Variants in ROBO1 observed in about 807,000 individuals in gnomAD.
ROBO1 encodes roundabout homolog 1.
A neutral mutation model predicts 195.9 loss-of-function variants in ROBO1; 149 were observed. The observed-to-expected ratio is 0.76, with a 90% CI of 0.67 to 0.87. The LOEUF (loss-of-function observed/expected upper bound fraction) is 0.87. Ranked by LOEUF, ROBO1 falls within the 40% of genes least tolerant of loss-of-function variation. The pLI, the probability that ROBO1 is intolerant of heterozygous loss-of-function variation, is 0.00. For synonymous variants in ROBO1, 816 were observed against 733.2 expected, an observed-to-expected ratio of 1.11 and a Z score of -1.82; for missense variants, 1,933 against 2,068.3, an observed-to-expected ratio of 0.93 and a Z score of 1.27.
intron 2 of ROBO1, among the ~76,000 whole-genome samples, chr3:79,151,579 G>T (rs1017494173): frequency 6.6e-6 from 1 of 151,430 alleles, no homozygotes; most frequent in Non-Finnish European, 1.5e-5. Flanking sequence ...TTTCTATTTT[G>T]CTTTAAAATA....
intron 2 of ROBO1, among the ~76,000 whole-genome samples, chr3:79,304,023 C>T (rs1233808890): frequency 6.6e-6 from 1 of 152,154 alleles, no homozygotes; most frequent in Non-Finnish European, 1.5e-5. Context: ...TAATAGCCTG[C>T]AGTTTTCATT....
chr3:78,715,760 T>A (rs2081887483), intron 7 of ROBO1, among the ~76,000 whole-genome samples: 1 of 152,148 alleles, frequency 6.6e-6, no homozygotes, highest in Admixed American at 6.5e-5. Flanking sequence ...GGTCTCGAAC[T>A]CCTGACCTCA....
intron 2 of ROBO1, among the ~76,000 whole-genome samples, chr3:79,386,253 G>A (rs907420878): frequency 1.3e-5 from 2 of 152,096 alleles, no homozygotes; most frequent in Admixed American, 1.3e-4. Context: ...ACTCTAGGGA[G>A]TTTTATTTGC....
At chr3:79,094,485 T>G (rs2079531446) in intron 3 of ROBO1, among the ~76,000 whole-genome samples, 1 of 152,154 alleles carries the variant, frequency 6.6e-6, no homozygotes, top group Non-Finnish European at 1.5e-5. Context: ...TCTTTTTCAC[T>G]GCACATGGCA....
intron 1 of ROBO1, among the ~76,000 whole-genome samples, chr3:79,726,198 T>C (rs1056046653): frequency 3.9e-5 from 6 of 152,224 alleles, no homozygotes; most frequent in African/African-American, 1.4e-4. Flanking sequence ...AGACAAAGAA[T>C]GCCTTAGGGC....
At chr3:78,878,047 T>G (rs1159413020) in intron 4 of ROBO1, among the ~76,000 whole-genome samples, 1 of 152,146 alleles carries the variant, frequency 6.6e-6, no homozygotes, top group Non-Finnish European at 1.5e-5. Flanking sequence ...TTATCAATTT[T>G]CACTAAGGAT....
At chr3:78,885,392 T>A (rs1284953879) in intron 4 of ROBO1, among the ~76,000 whole-genome samples, 2 of 129,936 alleles carry the variant, frequency 1.5e-5, no homozygotes, top group Admixed American at 1.9e-4. Flanking sequence ...AACCTGCACT[T>A]GTAACCCTGA....
At chr3:79,316,126 C>T (rs1348172416) in intron 2 of ROBO1, among the ~76,000 whole-genome samples, 5 of 152,126 alleles carry the variant, frequency 3.3e-5, no homozygotes, top group Non-Finnish European at 7.4e-5. Flanking sequence ...AAGATTATGA[C>T]TGAGACAAGT....
intron 3 of ROBO1, among the ~76,000 whole-genome samples, chr3:79,123,909 C>T (rs1281843645): frequency 6.6e-6 from 1 of 152,070 alleles, no homozygotes; most frequent in African/African-American, 2.4e-5. Flanking sequence ...TCTCTTAATT[C>T]AAGACTCCAA....
intron 2 of ROBO1, among the ~76,000 whole-genome samples, chr3:79,269,011 A>C (rs771001741): frequency 1.3e-5 from 2 of 151,710 alleles, no homozygotes; most frequent in Non-Finnish European, 3.0e-5. Context: ...TTACTAGAAG[A>C]CCAATTCGCT....
intron 1 of ROBO1, among the ~76,000 whole-genome samples, chr3:79,711,837 A>G (rs1702287226): frequency 7.2e-6 from 1 of 139,250 alleles, no homozygotes; most frequent in Admixed American, 8.5e-5. Context: ...TTCTGGCAAT[A>G]TTTTAAAACT....
intron 4 of ROBO1, among the ~76,000 whole-genome samples, chr3:78,912,543 G>T (rs2038307758): frequency 6.6e-6 from 1 of 152,118 alleles, no homozygotes; most frequent in Non-Finnish European, 1.5e-5. Context: ...GTAAACAGGA[G>T]ATTAGCATGG....
chr3:79,418,289 T>G (rs2106914958), intron 2 of ROBO1, among the ~76,000 whole-genome samples: 1 of 152,306 alleles, frequency 6.6e-6, no homozygotes, highest in Non-Finnish European at 1.5e-5. Flanking sequence ...ATCATATTAG[T>G]GTAATCAATA....
At chr3:79,700,361 A>G (rs1254132062) in intron 1 of ROBO1, among the ~76,000 whole-genome samples, 5 of 133,576 alleles carry the variant, frequency 3.7e-5, no homozygotes, top group Non-Finnish European at 6.5e-5. Flanking sequence ...TTCTGGGAGA[A>G]CAATTTATTT....
intron 2 of ROBO1, among the ~76,000 whole-genome samples, chr3:79,367,527 G>A (rs2036024412): frequency 6.6e-6 from 1 of 152,186 alleles, no homozygotes; most frequent in Non-Finnish European, 1.5e-5. Context: ...CCCCCACACA[G>A]TTTGCCTGAC....
chr3:78,957,576 A>C (rs1026749870), intron 3 of ROBO1, among the ~76,000 whole-genome samples: 2 of 152,318 alleles, frequency 1.3e-5, no homozygotes, highest in Non-Finnish European at 2.9e-5. Context: ...CGACAAAAAT[A>C]AGCTTTCCTG....
At chr3:78,862,968 T>G (rs1204313817) in intron 4 of ROBO1, among the ~76,000 whole-genome samples, 1 of 152,216 alleles carries the variant, frequency 6.6e-6, no homozygotes, top group African/African-American at 2.4e-5. Flanking sequence ...AGACATTATT[T>G]AATGAAGCTT....
intron 3 of ROBO1, among the ~76,000 whole-genome samples, chr3:78,985,272 C>T (rs1489913862): frequency 2.6e-5 from 4 of 151,976 alleles, no homozygotes; most frequent in African/African-American, 9.7e-5. Flanking sequence ...CGCACTCTAG[C>T]CTGGGAGACA....
intron 2 of ROBO1, among the ~76,000 whole-genome samples, chr3:79,534,695 C>A (rs1012664942): frequency 6.6e-6 from 1 of 152,104 alleles, no homozygotes; most frequent in Admixed American, 6.6e-5. Context: ...CAGTCCTCAG[C>A]CTCCGGGGCT....
Sources: allele counts gnomAD v4.1 joint callset (sites outside exome capture counted in the v4.1 genomes callset), GRCh38; gene constraint gnomAD v4.1.1; transcripts MANE v1.5; gene names NCBI Gene and HGNC (gene_info 2026-07-23, HGNC 2026-07-21).